The following DAB1 variants were observed in gnomAD, a reference collection of about 807,000 sequenced individuals.
DAB1 encodes the protein DAB adaptor protein 1, also known as disabled homolog 1.
In DAB1, 15 loss-of-function variants were observed where a neutral mutation model predicts 64.6. The observed-to-expected ratio is 0.23, with a 90% CI of 0.16 to 0.36. The LOEUF is 0.36. Ranked by LOEUF, DAB1 falls within the 10% of genes least tolerant of loss-of-function variation. The pLI, the probability that DAB1 is intolerant of heterozygous loss-of-function variation, is 1.00. For missense variants in DAB1, 596 were observed against 706.7 expected (o/e 0.84, Z 1.78); for synonymous variants, 235 against 251.9 (o/e 0.93, Z 0.64).
chr1:57,298,440 A>G (rs1343074994), intron 1 of DAB1, among the ~76,000 whole-genome samples: 1 of 152,234 alleles, frequency 6.6e-6, no homozygotes, highest in East Asian at 1.9e-4. Flanking sequence ...ACACGGTGAT[A>G]GGACATATTC....
At chr1:57,030,454 C>G (rs962528086) in intron 9 of DAB1, among the ~76,000 whole-genome samples, 2 of 152,128 alleles carry the variant, frequency 1.3e-5, no homozygotes, top group African/African-American at 4.8e-5. Flanking sequence ...AAAGAGGAGA[C>G]CATCCAGGCA....
At chr1:58,045,109 T>C (rs1401711675) in intron 5 of DAB1, among the ~76,000 whole-genome samples, 2 of 152,228 alleles carry the variant, frequency 1.3e-5, no homozygotes, top group African/African-American at 2.4e-5. Context: ...TCTGGCTCCC[T>C]AATTAATTGC....
At chr1:57,531,892 A>G (rs938181114) in intron 7 of DAB1, among the ~76,000 whole-genome samples, 1 of 152,224 alleles carries the variant, frequency 6.6e-6, no homozygotes, top group South Asian at 2.1e-4. Context: ...GTAGCACACC[A>G]TTATAAAGCA....
At position 57,957,115 on chromosome 1, in the gene DAB1, T is replaced by C. The variant is rs1570074273; in HGVS notation, n.388-72953A>G. Among the ~76,000 whole-genome samples, 3 of 152,304 alleles carry C rather than the reference T, an allele frequency of 2.0e-5. No homozygotes were observed. The East Asian group carries it at 5.8e-4, about 29-fold the overall frequency. The stretch of plus-strand genomic sequence containing the variant: ...GAGGAGCATGTGATTTGACTTACAT[T>C]TTAATAGGCTTGTTCAGGAAAATGT... On this transcript the variant is annotated intron_variant and non_coding_transcript_variant, in intron 5 of 20. Coordinates refer to the DAB1 transcript ENST00000485760.
chr1:57,014,952 A>G lies in DAB1; in HGVS notation c.1375T>C (p.Cys459Arg). Residue 459 changes from cysteine to arginine, a missense_variant, in exon 12 of 15, where the codon TGT (cysteine) becomes CGT (arginine). Physicochemically the swap from Cys to Arg is radical, Grantham distance 180 (BLOSUM62 -3). Around this residue, in one of 3 missense-constraint regions of DAB1, gnomAD observed 377 missense variants for 400.4 expected, o/e 0.94. Coordinates refer to ENST00000371236, the MANE Select transcript of DAB1 (RefSeq NM_001365792.1). The stretch of plus-strand genomic sequence containing the variant: ...AACTGGGAGATGTCAAAGTCATCAC[A>G]GTCGTCTGTATCCTGTGCCACCCCG... ...KVGVAQDTDD[C>R]DDFDISQLNL... The G allele has an allele frequency of 6.2e-7, 1 of 1,612,870 alleles. No homozygotes were observed. The highest frequency in any genetic ancestry group is 8.5e-7 in the Non-Finnish European group (1 of 1,179,380).
In DAB1 at chr1:57,035,833, CTTTTTTTTTTTTTT is replaced by C. The variant is rs35389635; in HGVS notation, c.724-9804_724-9791del. On this transcript the variant is annotated intron_variant, in intron 9 of 14. Coordinates refer to ENST00000371236, the MANE Select transcript of DAB1 (RefSeq NM_001365792.1). ...GGCTCATTTCAGTAACGCACATGCA[CTTTTTTTTTTTTTT>C]TTTTTTTTTTTTTTTGAGACAGGGT... 8.1e-5 allele frequency among the ~76,000 whole-genome samples: 5 copies of C among 61,916 alleles called. 1 individual carries two copies. The highest frequency in any genetic ancestry group is 7.1e-4 in the South Asian group (1 of 1,418). 40.6% of individuals were successfully genotyped at this position (61,916 alleles called of 152,430 possible). A position where few individuals can be genotyped will look rare whatever the true frequency, so the allele number is the denominator to read the frequency against.
intron 1 of DAB1, among the ~76,000 whole-genome samples, chr1:57,841,126 C>T (rs984787751): frequency 6.6e-6 from 1 of 152,192 alleles, no homozygotes; most frequent in African/African-American, 2.4e-5. Context: ...AGGCCCCATG[C>T]AAGTCCAAAA....
chr1:58,407,925 T>A (rs1469599830), intron 3 of DAB1, among the ~76,000 whole-genome samples: 1 of 152,190 alleles, frequency 6.6e-6, no homozygotes, highest in Non-Finnish European at 1.5e-5. Flanking sequence ...AAGCCCTATG[T>A]GACCTGACTT....
chr1:57,945,428 G>GTTATTATTATTATTATTATTA (rs143711609), intron 5 of DAB1, among the ~76,000 whole-genome samples: 3 of 123,832 alleles, frequency 2.4e-5, no homozygotes, highest in East Asian at 4.5e-4. Context: ...CTTGCTAATT[G>GTTATTATTATTATTATTATTA]TTATTATTAT....
At chr1:58,025,907 G>A (rs1646888386) in intron 5 of DAB1, among the ~76,000 whole-genome samples, 1 of 151,856 alleles carries the variant, frequency 6.6e-6, no homozygotes, top group Non-Finnish European at 1.5e-5. Context: ...GTGAGCGCTT[G>A]TTCCAGTTTC....
chr1:58,166,810 T>C (rs75205897), intron 4 of DAB1, among the ~76,000 whole-genome samples: 2,184 of 151,412 alleles, frequency 0.014, 41 homozygotes, highest in Middle Eastern at 0.041. Flanking sequence ...TGGAGTGTAG[T>C]GACATCATCA....
In DAB1 at chr1:57,806,283, C is replaced by T. The variant is rs549132165; in HGVS notation, n.551+77716G>A. Among the ~76,000 whole-genome samples, 137 of 152,234 alleles carry T rather than the reference C, an allele frequency of 9.0e-4. 1 individual carries two copies. In the South Asian group the frequency reaches 0.028, roughly 31 times the overall value. On this transcript the variant is annotated intron_variant and non_coding_transcript_variant, in intron 6 of 20. Transcript: ENST00000485760. ...TAAATTGGAGCCCTAACCCCTAGTA[C>T]CTAGAATGTGATCATATTTGGGGAT...
At chr1:58,009,203 C>A (rs952461891) in intron 5 of DAB1, among the ~76,000 whole-genome samples, 9 of 152,126 alleles carry the variant, frequency 5.9e-5, no homozygotes, top group Admixed American at 5.9e-4. Context: ...AAGAATTTGA[C>A]CAAGTCCAGG....
At chr1:58,280,117 G>A (rs774846032) in intron 4 of DAB1, among the ~76,000 whole-genome samples, 3 of 152,140 alleles carry the variant, frequency 2.0e-5, no homozygotes, top group Non-Finnish European at 4.4e-5. Context: ...TTCATGTAAG[G>A]ATATCTGCAG....
intron 1 of DAB1, among the ~76,000 whole-genome samples, chr1:58,544,304 T>C (rs990331859): frequency 6.6e-6 from 1 of 152,162 alleles, no homozygotes; most frequent in Admixed American, 6.5e-5. Context: ...GCCCACTAAA[T>C]GCTAGGCACC....
chr1:58,007,413 T>C (rs529296187), intron 5 of DAB1, among the ~76,000 whole-genome samples: 7 of 152,172 alleles, frequency 4.6e-5, no homozygotes, highest in Non-Finnish European at 7.4e-5. Context: ...AGCTTCAACA[T>C]GTACTTTATT....
intron 5 of DAB1, among the ~76,000 whole-genome samples, chr1:57,968,624 C>T (rs1287915835): frequency 6.6e-6 from 1 of 152,100 alleles, no homozygotes; most frequent in Admixed American, 6.6e-5. Context: ...TGCTACAGAC[C>T]ATTTTTTGTG....
At chr1:56,999,368 G>A (rs554461760) in intron 14 of DAB1, among the ~76,000 whole-genome samples, 31 of 152,282 alleles carry the variant, frequency 2.0e-4, no homozygotes, top group African/African-American at 7.5e-4. Flanking sequence ...AGGGGCCAGT[G>A]CTTTTTCTAA....
intron 3 of DAB1, among the ~76,000 whole-genome samples, chr1:58,366,895 C>T (rs967561120): frequency 3.9e-5 from 6 of 152,118 alleles, no homozygotes; most frequent in African/African-American, 1.4e-4. Flanking sequence ...AAGATAATAC[C>T]ATTGTTTTAA....
Sources: allele counts gnomAD v4.1 joint callset (sites outside exome capture counted in the v4.1 genomes callset), GRCh38; gene constraint gnomAD v4.1.1; regional missense constraint gnomAD v4.1.1; transcripts MANE v1.5; gene names NCBI Gene and HGNC (gene_info 2026-07-23, HGNC 2026-07-21).